GRB2: variants seen among roughly 807,000 people sequenced by gnomAD.
The protein encoded by GRB2 is growth factor receptor-bound protein 2.
GRB2 carries 2 observed loss-of-function variants against 27.4 expected under a neutral mutation model. The ratio of observed to expected loss-of-function variants is 0.07; its 90% CI spans 0.03 to 0.23. The LOEUF is 0.23. Among genes scored for constraint, GRB2 ranks in the 10% least tolerant of loss-of-function variants. GRB2 has a pLI of 1.00. For missense variants in GRB2, 102 were observed against 282.4 expected (o/e 0.36, Z 4.58); for synonymous variants, 94 against 99.6 (o/e 0.94, Z 0.33).
At chr17:75,324,366 ATT>A (rs1156329058) in intron 4 of GRB2, among the ~76,000 whole-genome samples, 9,807 of 93,528 alleles carry the variant, frequency 0.1, 1,223 homozygotes, top group African/African-American at 0.33. Context: ...CCATTTTTGT[ATT>A]TTTTTTTTTT....
In GRB2 at chr17:75,405,623, C is replaced by A. The variant is rs2079095327; in HGVS notation, c.-272G>T. 3 of 162,900 alleles carry A rather than the reference C, an allele frequency of 1.8e-5. No individual in the cohort carries two copies. In the South Asian group the frequency reaches 4.0e-4, roughly 22 times the overall value. The allele number at this position is 162,900 out of a possible 1,614,324, so 10.1% of individuals were successfully genotyped here. On this transcript the variant is annotated 5_prime_UTR_variant, in exon 1 of 6. Transcript: ENST00000316804. ...ACCGCCACAGGCACAGACTCTGCCA[C>A]AGCCGCCGCCGCCGCTGCCGCCGCC...
chr17:75,326,845 C>T (rs1323571412), intron 3 of GRB2, among the ~76,000 whole-genome samples: 3 of 152,136 alleles, frequency 2.0e-5, no homozygotes, highest in African/African-American at 7.2e-5. Context: ...AGTCAAGCTG[C>T]CTCACTATTT....
At chr17:75,394,745 TCA>T (rs762426184) in intron 1 of GRB2, 3 of 152,224 alleles carry the variant, frequency 2.0e-5, no homozygotes, top group African/African-American at 4.8e-5. Flanking sequence ...GAAGTCTCTC[TCA>T]CAGTCACCCT....
chr17:75,354,969 G>T (rs955878537), intron 2 of GRB2, among the ~76,000 whole-genome samples: 1 of 152,092 alleles, frequency 6.6e-6, no homozygotes, highest in African/African-American at 2.4e-5. Context: ...CAACATGCCT[G>T]GCTAATTTTT....
intron 2 of GRB2, among the ~76,000 whole-genome samples, chr17:75,391,749 G>A (rs912214588): frequency 4.6e-5 from 7 of 151,014 alleles, no homozygotes; most frequent in Non-Finnish European, 8.8e-5. Context: ...TGGAGCTTGC[G>A]GTGAGCCCAG....
intron 2 of GRB2, among the ~76,000 whole-genome samples, chr17:75,351,701 A>G (rs537623388): frequency 1.2e-4 from 18 of 152,304 alleles, no homozygotes; most frequent in East Asian, 3.9e-4. Flanking sequence ...AGACAAAGAG[A>G]AAGAAAATAT....
At chr17:75,324,536 G>T (rs143083570) in intron 4 of GRB2, among the ~76,000 whole-genome samples, 8,764 of 18,170 alleles carry the variant, frequency 0.48, 2,174 homozygotes, top group East Asian at 0.74. Flanking sequence ...TTTTTTTTTT[G>T]GAGACAGAGT....
intron 2 of GRB2, among the ~76,000 whole-genome samples, chr17:75,334,971 G>C (rs1342577245): frequency 1.3e-5 from 2 of 151,250 alleles, no homozygotes; most frequent in African/African-American, 4.9e-5. Context: ...TCCCATTTCA[G>C]CCTCCTGAGT....
intron 2 of GRB2, among the ~76,000 whole-genome samples, chr17:75,333,979 T>C (rs1400601211): frequency 1.3e-5 from 2 of 152,176 alleles, no homozygotes; most frequent in African/African-American, 2.4e-5. Flanking sequence ...GAATTGCATG[T>C]ACCAGGCCAT....
chr17:75,328,056 C>T (rs2078511735), intron 3 of GRB2, among the ~76,000 whole-genome samples: 1 of 152,216 alleles, frequency 6.6e-6, no homozygotes, highest in African/African-American at 2.4e-5. Context: ...GGCCCGGTAC[C>T]TCATGCCTGT....
chr17:75,330,331 G>A lies in GRB2; in HGVS notation c.176+2369C>T, dbSNP rs537385194. 1.2e-4 allele frequency among the ~76,000 whole-genome samples: 18 copies of A among 152,052 alleles called. No individual in the cohort carries two copies. In the South Asian group the frequency reaches 2.1e-3, roughly 18 times the overall value. On this transcript the variant is annotated intron_variant, in intron 3 of 5. Coordinates refer to ENST00000316804, the MANE Select transcript of GRB2 (RefSeq NM_002086.5). Reference sequence around the variant, plus strand: ...AGGGAGTTGGGGGTTGCAGTGAGCCGAGATCGCGCCACAGCACTCTAGCCT... The same window carrying A: ...AGGGAGTTGGGGGTTGCAGTGAGCCAAGATCGCGCCACAGCACTCTAGCCT...
At position 75,338,355 on chromosome 17, in the gene GRB2, G is replaced by A. The variant is rs538078736; in HGVS notation, c.79-5558C>T. Among the ~76,000 whole-genome samples the A allele has an allele frequency of 5.5e-4, 83 of 152,210 alleles. 1 individual carries two copies. The highest frequency in any genetic ancestry group is 1.9e-3 in the African/African-American group (80 of 41,534). On this transcript the variant is annotated intron_variant, in intron 2 of 5. Transcript: ENST00000316804. ...GCTGGGATTACAGGCATGAGCCACCGTGCCCGGCCACAAATAATTTTTAAA... is the reference window on the plus strand; with the variant it reads ...GCTGGGATTACAGGCATGAGCCACCATGCCCGGCCACAAATAATTTTTAAA...
intron 2 of GRB2, among the ~76,000 whole-genome samples, chr17:75,367,256 G>C (rs531504901): frequency 2.0e-5 from 3 of 152,002 alleles, no homozygotes; most frequent in African/African-American, 7.2e-5. Flanking sequence ...CTGCAGCCGC[G>C]ACCTCCCAGA....
chr17:75,392,530 A>AT lies in GRB2; in HGVS notation c.78+1020dup, dbSNP rs201199752. Among the ~76,000 whole-genome samples, 816 of 152,344 alleles carry AT rather than the reference A, an allele frequency of 5.4e-3. 5 individuals are homozygous for AT. Among genetic ancestry groups the AT allele is most frequent in the African/African-American group, 0.019 (774 of 41,576 alleles). Reference sequence around the variant, plus strand: ...ACTGCACGTCCTTTTATAAAGAACCATATTTCTACATCTCCACTTGCTTTC... The same window carrying AT: ...ACTGCACGTCCTTTTATAAAGAACCATTATTTCTACATCTCCACTTGCTTTC... On this transcript the variant is annotated intron_variant, in intron 2 of 5. Coordinates refer to ENST00000316804, the MANE Select transcript of GRB2 (RefSeq NM_002086.5).
intron 2 of GRB2, among the ~76,000 whole-genome samples, chr17:75,350,506 T>C (rs138602317): frequency 6.6e-6 from 1 of 152,286 alleles, no homozygotes; most frequent in Non-Finnish European, 1.5e-5. Flanking sequence ...TTTTTATTTT[T>C]TTTGAGACGG....
At position 75,320,108 on chromosome 17, in the gene GRB2, AGACAAAG is replaced by A; in HGVS notation, c.*253_*259del. ...AGAAGAGAAAAAAGGATGAAAAAAA[AGACAAAG>A]GAGGGGAAAGAGGAGCAGCAGTGAA... is the stretch of plus-strand genomic sequence containing the variant. On this transcript the variant is annotated 3_prime_UTR_variant, in exon 6 of 6. Transcript: ENST00000316804. This position sits in a 1 kb window ranked among gnomAD's most constrained non-coding sequence, Gnocchi z 4.3. 1 of 394,494 alleles carries A rather than the reference AGACAAAG, an allele frequency of 2.5e-6. No individual in the cohort carries two copies. The highest frequency in any genetic ancestry group is 3.3e-5 in the South Asian group (1 of 29,984). 24.4% of individuals were successfully genotyped at this position (394,494 alleles called of 1,614,324 possible).
intron 2 of GRB2, among the ~76,000 whole-genome samples, chr17:75,362,321 C>CATAT (rs1165857096): frequency 9.9e-5 from 15 of 152,180 alleles, no homozygotes; most frequent in Admixed American, 5.9e-4. Context: ...TGAAAATACA[C>CATAT]ATATATTTAT....
At chr17:75,388,526 T>A (rs918285107) in intron 2 of GRB2, among the ~76,000 whole-genome samples, 2 of 148,444 alleles carry the variant, frequency 1.3e-5, no homozygotes, top group African/African-American at 5.0e-5. Flanking sequence ...CCCAGCACTT[T>A]GGGAGGAAAA....
chr17:75,393,282 A>G (rs1188355419), intron 2 of GRB2: 3 of 520,804 alleles, frequency 5.8e-6, no homozygotes, highest in Non-Finnish European at 1.0e-5. Flanking sequence ...CTACAATCAC[A>G]TTACTTTGAC....
Sources: allele counts gnomAD v4.1 joint callset (sites outside exome capture counted in the v4.1 genomes callset), GRCh38; gene constraint gnomAD v4.1.1; non-coding constraint Gnocchi (gnomAD v3.1); transcripts MANE v1.5; gene names NCBI Gene and HGNC (gene_info 2026-07-23, HGNC 2026-07-21).